Variants in CDH6 observed in about 807,000 individuals in gnomAD.
The protein encoded by CDH6 is cadherin-6.
CDH6 carries 31 observed loss-of-function variants against 78.0 expected under a neutral mutation model. The observed-to-expected ratio is 0.40, with a 90% CI of 0.30 to 0.54. CDH6 has a LOEUF of 0.54. Ranked by LOEUF, CDH6 falls within the 20% of genes least tolerant of loss-of-function variation. The pLI is 0.56. For missense variants in CDH6, 724 were observed against 975.9 expected (o/e 0.74, Z 3.44); for synonymous variants, 376 against 368.8 (o/e 1.02, Z -0.23).
At chr5:31,302,911 G>GAAAGAAAGAAAGAAAGA (rs1737846475) in intron 6 of CDH6, among the ~76,000 whole-genome samples, 4 of 101,432 alleles carry the variant, frequency 3.9e-5, no homozygotes, top group Non-Finnish European at 6.6e-5. Context: ...AAAAAAGAAA[G>GAAAGAAAGAAAGAAAGA]AAAGAAAGAA....
intron 1 of CDH6, among the ~76,000 whole-genome samples, chr5:31,211,787 G>C (rs1441948716): frequency 6.6e-6 from 1 of 152,150 alleles, no homozygotes; most frequent in East Asian, 1.9e-4. Context: ...CCTGAGAACT[G>C]ACCTTGCCAC....
chr5:31,293,840 A>AT, intron 2 of CDH6, 122 bp from the exon 3 acceptor site: 1 of 576,224 alleles, frequency 1.7e-6, no homozygotes, highest in Non-Finnish European at 2.9e-6. Context: ...TAAAAAAAAA[A>AT]AAACTTGTAT....
intron 6 of CDH6, 80 bp from the exon 7 acceptor site, chr5:31,305,094 C>G (rs1170067629): frequency 1.4e-6 from 2 of 1,444,360 alleles, no homozygotes; most frequent in Admixed American, 4.2e-5. Context: ...GTGGTTTACA[C>G]CAAAAATGTT....
At chr5:31,256,669 A>G in intron 1 of CDH6, among the ~76,000 whole-genome samples, 1 of 152,182 alleles carries the variant, frequency 6.6e-6, no homozygotes, top group Non-Finnish European at 1.5e-5. Flanking sequence ...AAAAAGGAAG[A>G]TGCTATTTAT....
chr5:31,227,876 T>G (rs914205747), intron 1 of CDH6, among the ~76,000 whole-genome samples: 2 of 152,196 alleles, frequency 1.3e-5, no homozygotes, highest in African/African-American at 4.8e-5. Flanking sequence ...CAGTATTAGT[T>G]GCTTCTTGCT....
At chr5:31,196,614 A>G (rs1740175169) in intron 1 of CDH6, among the ~76,000 whole-genome samples, 1 of 152,186 alleles carries the variant, frequency 6.6e-6, no homozygotes, top group African/African-American at 2.4e-5. Context: ...ACCTAAGATA[A>G]GAGTATAACA....
chr5:31,313,151 T>C (rs1000049449), intron 7 of CDH6, among the ~76,000 whole-genome samples, 167 bp from the exon 8 acceptor site: 1 of 152,204 alleles, frequency 6.6e-6, no homozygotes, highest in Non-Finnish European at 1.5e-5. Context: ...CAAAATATTT[T>C]ACTTAATGTC....
chr5:31,264,815 C>T lies in CDH6; in HGVS notation c.-128-2531C>T, dbSNP rs1016817560. 7.9e-5 allele frequency among the ~76,000 whole-genome samples: 12 copies of T among 152,298 alleles called. No individual in the cohort carries two copies. In the East Asian group the frequency reaches 2.3e-3, roughly 29 times the overall value. On this transcript the variant is annotated intron_variant, in intron 1 of 11. Coordinates refer to ENST00000265071, the MANE Select transcript of CDH6 (RefSeq NM_004932.4). ...TTGGAAATACTACTTAAATTTTTAT[C>T]ACTTAAAATCTCATTACCAACTAAG...
chr5:31,317,770 A>T lies in CDH6; in HGVS notation c.1728A>T (p.Pro576=). The change falls in exon 11 of 12, where the codon CCA becomes CCT. Residue 576 remains proline, a synonymous_variant. Coordinates refer to ENST00000265071, the MANE Select transcript of CDH6 (RefSeq NM_004932.4). The stretch of plus-strand genomic sequence containing the variant: ...TGGTCATTTCAGACAACGACTACCC[A>T]GTTCAAAGCAGCACTGGGACAGTGA... ...LPVVISDNDY[P]VQSSTGTVTV... is the part of the protein sequence containing the mutation. The T allele has an allele frequency of 6.2e-7, 1 of 1,614,166 alleles. No individual in the cohort carries two copies.
rs547938728 is a variant in CDH6, at chr5:31,221,431, G to A, written c.-129+27545G>A. On this transcript the variant is annotated intron_variant, in intron 1 of 11. Coordinates refer to ENST00000265071, the MANE Select transcript of CDH6 (RefSeq NM_004932.4). ...TTAACACGCAACAGCTCCAAGTAAT[G>A]GAATCTTGGAATTAAGAGAGAAATC... 1.9e-4 allele frequency among the ~76,000 whole-genome samples: 29 copies of A among 152,100 alleles called. 1 individual carries two copies. The South Asian group carries it at 5.6e-3, about 29-fold the overall frequency.
At position 31,299,586 on chromosome 5, in the gene CDH6, A is replaced by C; in HGVS notation, c.766A>C (p.Ile256Leu). 6.2e-7 allele frequency: 1 copy of C among 1,614,018 alleles called. No homozygotes were observed. Among genetic ancestry groups the C allele is most frequent in the Non-Finnish European group, 8.5e-7 (1 of 1,179,916 alleles). ...ATTATCTGGGACCACCACCGTGAAC[A>C]TCACACTGACTGATGTCAACGACAA... ...GGLSGTTTVNITLTDVNDNPP... is the reference protein window; with the variant it reads ...GGLSGTTTVNLTLTDVNDNPP... Residue 256 changes from isoleucine (I) to leucine (L), a missense_variant, in exon 5 of 12, where the codon ATC (isoleucine) becomes CTC (leucine). Around this residue, in one of 3 missense-constraint regions of CDH6, gnomAD observed 446 missense variants for 684.5 expected, o/e 0.65. Transcript: ENST00000265071.
rs1333284532 is a variant in CDH6 at position 31,267,667 on chromosome 5, A to C, written c.194A>C (p.Glu65Ala). The part of the protein sequence containing the change: ...WMWNQFFLLE[E>A]YTGSDYQYVG... ...TGGAATCAGTTCTTTCTCCTGGAGG[A>C]ATACACAGGATCCGATTATCAGTAT... Residue 65 changes from glutamate to alanine, a missense_variant, in exon 2 of 12, where the codon GAA becomes GCA. By Grantham distance (107) the Glu-to-Ala change is moderately radical. Coordinates refer to ENST00000265071, the MANE Select transcript of CDH6 (RefSeq NM_004932.4). The C allele has an allele frequency of 2.5e-6, 4 of 1,614,058 alleles. No homozygotes were observed. The highest frequency in any genetic ancestry group is 2.5e-6 in the Non-Finnish European group (3 of 1,179,900).
rs1738620791 is a variant in CDH6 at position 31,326,203 on chromosome 5, A to G, written c.*2895A>G. On this transcript the variant is annotated 3_prime_UTR_variant, in exon 12 of 12. Coordinates refer to ENST00000265071, the MANE Select transcript of CDH6 (RefSeq NM_004932.4). The stretch of plus-strand genomic sequence containing the variant: ...TTCAATCACTTTGAAACTAAAATTC[A>G]TTAAGCATAACCAGATTGCTTTTGT... The G allele has an allele frequency of 4.4e-6, 1 of 225,366 alleles. No individual in the cohort carries two copies. Among genetic ancestry groups the G allele is most frequent in the African/African-American group, 2.2e-5 (1 of 44,924 alleles). The allele number at this position is 225,366 out of a possible 1,614,324, so 14.0% of individuals were successfully genotyped here.
At chr5:31,243,206 A>G (rs978888390) in intron 1 of CDH6, among the ~76,000 whole-genome samples, 2 of 152,126 alleles carry the variant, frequency 1.3e-5, no homozygotes, top group Admixed American at 6.6e-5. Flanking sequence ...TAATTAGCCA[A>G]TGGAGCCTGC....
chr5:31,265,924 G>A (rs569223698), intron 1 of CDH6, among the ~76,000 whole-genome samples: 9 of 151,220 alleles, frequency 6.0e-5, no homozygotes, highest in East Asian at 3.9e-4. Context: ...ACAGGTGCCC[G>A]CCACCACGCC....
At chr5:31,257,569 T>A (rs561485394) in intron 1 of CDH6, among the ~76,000 whole-genome samples, 48 of 152,330 alleles carry the variant, frequency 3.2e-4, no homozygotes, top group African/African-American at 1.1e-3. Context: ...ATTTTACAAA[T>A]GTTTATCTGG....
At position 31,292,830 on chromosome 5, in the gene CDH6, T is replaced by TATATATGTGTGC. The variant is rs1737428967; in HGVS notation, c.229-1126_229-1125insGTGTGCATATAT. Among the ~76,000 whole-genome samples, 4 of 13,422 alleles carry TATATATGTGTGC rather than the reference T, an allele frequency of 3.0e-4. No individual in the cohort carries two copies. In the South Asian group the frequency reaches 0.011, roughly 36 times the overall value. 8.8% of individuals were successfully genotyped at this position (13,422 alleles called of 152,430 possible). On this transcript the variant is annotated intron_variant, in intron 2 of 11. Transcript: ENST00000265071. Reference sequence around the variant, plus strand: ...ATATATATATATGTGTGCATATATATATATATATATATATATGTGTGCATA... The same window carrying TATATATGTGTGC: ...ATATATATATATGTGTGCATATATATATATATGTGTGCATATATATATATATATGTGTGCATA...
In CDH6 at chr5:31,326,015, C is replaced by A; in HGVS notation, c.*2707C>A. Reference sequence around the variant, plus strand: ...GTATCAGGTCAAACATCATTGCATGCGCAGGTTTTTTTTTTAATTGCTAGG... The same window carrying A: ...GTATCAGGTCAAACATCATTGCATGAGCAGGTTTTTTTTTTAATTGCTAGG... On this transcript the variant is annotated 3_prime_UTR_variant, in exon 12 of 12. Coordinates refer to ENST00000265071, the MANE Select transcript of CDH6 (RefSeq NM_004932.4). 1 of 231,802 alleles carries A rather than the reference C, an allele frequency of 4.3e-6. No individual in the cohort carries two copies. Among genetic ancestry groups the A allele is most frequent in the Non-Finnish European group, 8.5e-6 (1 of 117,350 alleles). The allele number at this position is 231,802 out of a possible 1,614,324, so 14.4% of individuals were successfully genotyped here. A position where few individuals can be genotyped will look rare whatever the true frequency, so the allele number is the denominator to read the frequency against.
chr5:31,322,999 A>T lies in CDH6; in HGVS notation c.2064A>T (p.Leu688Phe), dbSNP rs1437908642. The change falls in exon 12 of 12, where the codon TTA becomes TTT. Residue 688 changes from leucine to phenylalanine, a missense_variant. Coordinates refer to ENST00000265071, the MANE Select transcript of CDH6 (RefSeq NM_004932.4). The stretch of plus-strand genomic sequence containing the variant: ...CTGAAGCCATAGAGGACAACAAATT[A>T]CGAAGGGACATTGTGCCCGAAGCCC... The part of the protein sequence containing the change: ...RNPEAIEDNK[L>F]RRDIVPEALF... 1.2e-6 allele frequency: 2 copies of T among 1,614,064 alleles called. No homozygotes were observed. Among genetic ancestry groups the T allele is most frequent in the Non-Finnish European group, 1.7e-6 (2 of 1,180,050 alleles).
Sources: gnomAD v4.1 joint callset for allele counts (sites outside exome capture counted in the v4.1 genomes callset) on GRCh38, gnomAD v4.1.1 for gene constraint, gnomAD v4.1.1 regional missense constraint, MANE v1.5 for transcripts, NCBI Gene and HGNC (gene_info 2026-07-23, HGNC 2026-07-21) for gene names.